Variants in ACER3 observed in about 807,000 individuals in gnomAD.
The protein encoded by ACER3 is alkaline ceramidase 3.
A neutral mutation model predicts 48.9 loss-of-function variants in ACER3; 16 were observed. The ratio of observed to expected loss-of-function variants is 0.33; its 90% CI spans 0.22 to 0.50. ACER3 has a LOEUF of 0.50. ACER3 is among the 20% of genes least tolerant of loss of function. The pLI is 0.98. For synonymous variants in ACER3, 109 were observed against 107.8 expected, an observed-to-expected ratio of 1.01 and a Z score of -0.07; for missense variants, 227 against 326.0, an observed-to-expected ratio of 0.70 and a Z score of 2.34.
At chr11:76,868,619 A>G (rs1945164625) in intron 1 of ACER3, among the ~76,000 whole-genome samples, 1 of 152,204 alleles carries the variant, frequency 6.6e-6, no homozygotes, top group Non-Finnish European at 1.5e-5. Context: ...CAAGACCCTC[A>G]TTACAGAGAG....
Position 76,933,173 on chromosome 11 carries a change from C to CATATATATATATATATATATATATAT in ACER3, c.214+6526_214+6527insATATATATATATATATATATATATAT, listed in dbSNP as rs144524712. ...TGCTTCCCCAAATATATACGTATTT[C>CATATATATATATATATATATATATAT]ATATATATATATATATATATGAAAC... On this transcript the variant is annotated intron_variant, in intron 2 of 10. Transcript: ENST00000532485. Among the ~76,000 whole-genome samples, 256 of 129,498 alleles carry CATATATATATATATATATATATATAT rather than the reference C, an allele frequency of 2.0e-3. 1 individual carries two copies. Among genetic ancestry groups the CATATATATATATATATATATATATAT allele is most frequent in the Admixed American group, 3.1e-3 (40 of 12,786 alleles). 85.0% of individuals were successfully genotyped at this position (129,498 alleles called of 152,430 possible).
intron 1 of ACER3, among the ~76,000 whole-genome samples, chr11:76,886,632 G>C (rs1396325165): frequency 1.3e-5 from 2 of 152,148 alleles, no homozygotes; most frequent in African/African-American, 4.8e-5. Flanking sequence ...AATTTCAAAG[G>C]AGAGAAATCA....
At chr11:76,933,922 C>T (rs1161042870) in intron 2 of ACER3, among the ~76,000 whole-genome samples, 1 of 151,922 alleles carries the variant, frequency 6.6e-6, no homozygotes, top group Non-Finnish European at 1.5e-5. Context: ...GGTCTCCTCA[C>T]TTCTTAGTCG....
At chr11:76,884,614 ATCT>A (rs777754157) in intron 1 of ACER3, among the ~76,000 whole-genome samples, 4 of 152,232 alleles carry the variant, frequency 2.6e-5, no homozygotes, top group Admixed American at 6.5e-5. Flanking sequence ...GTGTATTAAA[ATCT>A]TCTACCATGT....
intron 2 of ACER3, among the ~76,000 whole-genome samples, chr11:76,935,793 T>A (rs1028184262): frequency 6.6e-6 from 1 of 152,218 alleles, no homozygotes; most frequent in African/African-American, 2.4e-5. Context: ...TAATTACATT[T>A]AAATAAAATG....
chr11:76,871,542 A>G (rs1460204189), intron 1 of ACER3, among the ~76,000 whole-genome samples: 2 of 152,214 alleles, frequency 1.3e-5, no homozygotes, highest in African/African-American at 2.4e-5. Context: ...GAGTTAAGTT[A>G]TTATTTAAAT....
intron 3 of ACER3, among the ~76,000 whole-genome samples, chr11:76,973,116 G>A (rs965343128): frequency 6.6e-6 from 1 of 152,210 alleles, no homozygotes; most frequent in Non-Finnish European, 1.5e-5. Context: ...CAGAGCAGCT[G>A]CCCAGGTGAC....
chr11:76,909,060 G>T (rs768960958), intron 1 of ACER3, among the ~76,000 whole-genome samples: 60 of 152,160 alleles, frequency 3.9e-4, no homozygotes, highest in Non-Finnish European at 7.2e-4. Flanking sequence ...AGGAAAACTG[G>T]CTAGCCATAT....
intron 3 of ACER3, among the ~76,000 whole-genome samples, chr11:76,974,912 C>G (rs965158723): frequency 3.3e-5 from 5 of 152,234 alleles, no homozygotes; most frequent in Non-Finnish European, 7.3e-5. Context: ...CTATTTCAAG[C>G]TGGGATTGTG....
At chr11:76,898,903 C>CAAAAAAAAAAAAAA (rs59278347) in intron 1 of ACER3, among the ~76,000 whole-genome samples, 1 of 55,832 alleles carries the variant, frequency 1.8e-5, no homozygotes, top group African/African-American at 8.5e-5. Flanking sequence ...GACTCCGTCT[C>CAAAAAAAAAAAAAA]AAAAAAAAAA....
intron 6 of ACER3, among the ~76,000 whole-genome samples, chr11:76,994,757 A>C (rs1948878705): frequency 6.6e-6 from 1 of 152,242 alleles, no homozygotes; most frequent in African/African-American, 2.4e-5. Context: ...GAAAAGTTTT[A>C]AAAGCATCGG....
chr11:77,011,200 A>G (rs990858171), intron 7 of ACER3: 1 of 284,376 alleles, frequency 3.5e-6, no homozygotes, highest in Non-Finnish European at 5.3e-6. Context: ...TCTGTATTCT[A>G]CACTCTTGCA....
chr11:76,913,533 A>T (rs1313541522), intron 1 of ACER3, among the ~76,000 whole-genome samples: 1 of 120,414 alleles, frequency 8.3e-6, no homozygotes, highest in Non-Finnish European at 2.2e-5. Context: ...TATTATTTTG[A>T]GATACGTCCC....
At position 76,875,107 on chromosome 11, in the gene ACER3, CTTTTTTTTTTTTT is replaced by C. The variant is rs10676364; in HGVS notation, c.103+14042_103+14054del. Among the ~76,000 whole-genome samples, 31 of 78,156 alleles carry C rather than the reference CTTTTTTTTTTTTT, an allele frequency of 4.0e-4. 1 individual carries two copies. Among genetic ancestry groups the C allele is most frequent in the African/African-American group, 5.7e-4 (16 of 27,870 alleles). 51.3% of individuals were successfully genotyped at this position (78,156 alleles called of 152,430 possible). On this transcript the variant is annotated intron_variant, in intron 1 of 10. Transcript: ENST00000532485. ...TTCTAACATGGCATGAAAAGCACTT[CTTTTTTTTTTTTT>C]TTTTTTTTTTTTTAGATGGAATCTC...
At position 77,025,684 on chromosome 11, in the gene ACER3, G is replaced by T. The variant is rs1407219680; in HGVS notation, c.*5357G>T. ...GCCTCCCAAAGTCCTGGAATTACAG[G>T]CGTGAGCTACCGTGCCCAGCTGGTT... On this transcript the variant is annotated 3_prime_UTR_variant, in exon 11 of 11. Coordinates refer to ENST00000532485, the MANE Select transcript of ACER3 (RefSeq NM_018367.7). 1 of 152,166 alleles carries T rather than the reference G, an allele frequency of 6.6e-6. No individual in the cohort carries two copies. The highest frequency in any genetic ancestry group is 1.5e-5 in the Non-Finnish European group (1 of 68,070). 9.4% of individuals were successfully genotyped at this position (152,166 alleles called of 1,614,324 possible).
intron 1 of ACER3, among the ~76,000 whole-genome samples, chr11:76,875,052 C>T (rs192023656): frequency 1.5e-4 from 21 of 143,714 alleles, no homozygotes; most frequent in Non-Finnish European, 7.6e-5. Flanking sequence ...CCTTTGAGGA[C>T]TTTCTATTGA....
rs1949501744 is a variant in ACER3 at position 77,023,424 on chromosome 11, C to T, written c.*3097C>T. The T allele has an allele frequency of 2.8e-6, 1 of 351,078 alleles. No individual in the cohort carries two copies. Among genetic ancestry groups the T allele is most frequent in the African/African-American group, 2.1e-5 (1 of 47,790 alleles). The allele number at this position is 351,078 out of a possible 1,614,324, so 21.7% of individuals were successfully genotyped here. On this transcript the variant is annotated 3_prime_UTR_variant, in exon 11 of 11. Transcript: ENST00000532485. ...CAAAAATTAAGTTCTGTTATAATACCAGCCAATTCTGAATTAGCCAATGCC... is the reference window on the plus strand; with the variant it reads ...CAAAAATTAAGTTCTGTTATAATACTAGCCAATTCTGAATTAGCCAATGCC...
intron 2 of ACER3, among the ~76,000 whole-genome samples, chr11:76,939,910 A>AG (rs1424410188): frequency 6.6e-6 from 1 of 152,220 alleles, no homozygotes; most frequent in Non-Finnish European, 1.5e-5. Flanking sequence ...GAAGCTCTAC[A>AG]GGGACAATAT....
At chr11:77,019,813 G>T (rs782259392) in intron 10 of ACER3, 37 bp downstream of exon 10, 2 of 1,601,726 alleles carry the variant, frequency 1.2e-6, no homozygotes, top group South Asian at 2.2e-5. Context: ...GTGTGTTGGG[G>T]GTATGGTACT....
Sources: gnomAD v4.1 joint callset for allele counts (sites outside exome capture counted in the v4.1 genomes callset) on GRCh38, gnomAD v4.1.1 for gene constraint, MANE v1.5 for transcripts, NCBI Gene and HGNC (gene_info 2026-07-23, HGNC 2026-07-21) for gene names.